The following PDSS2 variants were observed in gnomAD, a reference collection of about 807,000 sequenced individuals.
PDSS2 encodes all trans-polyprenyl-diphosphate synthase PDSS2.
Under a neutral mutation model 44.5 loss-of-function variants are expected in PDSS2, and 31 were observed. That is an observed-to-expected ratio of 0.70 (90% confidence interval 0.52 to 0.94). The LOEUF (loss-of-function observed/expected upper bound fraction) is 0.94, where lower values mean the gene tolerates loss of function less well. Ranked by LOEUF, PDSS2 falls within the 40% of genes least tolerant of loss-of-function variation. The pLI is 0.00. For missense variants in PDSS2, 452 were observed against 482.2 expected, an observed-to-expected ratio of 0.94 and a Z score of 0.59; for synonymous variants, 157 against 180.3, an observed-to-expected ratio of 0.87 and a Z score of 1.03.
At chr6:107,170,289 T>C (rs544593847) in intron 7 of PDSS2, among the ~76,000 whole-genome samples, 48 of 152,316 alleles carry the variant, frequency 3.2e-4, no homozygotes, top group Non-Finnish European at 6.6e-4. Flanking sequence ...GCACGGGATA[T>C]AATCTCCTAG....
chr6:107,263,305 T>C (rs1030860152), intron 3 of PDSS2, among the ~76,000 whole-genome samples: 2 of 152,086 alleles, frequency 1.3e-5, no homozygotes, highest in Non-Finnish European at 2.9e-5. Context: ...ATACAAAAAT[T>C]AGCCAGGCAT....
At chr6:107,374,592 C>T (rs1779226792) in intron 1 of PDSS2, among the ~76,000 whole-genome samples, 1 of 152,162 alleles carries the variant, frequency 6.6e-6, no homozygotes, top group Non-Finnish European at 1.5e-5. Context: ...GCATAAAATG[C>T]CATGAACAGT....
At chr6:107,449,658 G>A (rs1045883542) in intron 1 of PDSS2, among the ~76,000 whole-genome samples, 2 of 152,090 alleles carry the variant, frequency 1.3e-5, no homozygotes, top group Admixed American at 1.3e-4. Flanking sequence ...CCTCAAACAC[G>A]TGGGCTCAAA....
chr6:107,374,404 T>C (rs987557324), intron 1 of PDSS2, among the ~76,000 whole-genome samples: 9 of 152,234 alleles, frequency 5.9e-5, no homozygotes, highest in African/African-American at 2.2e-4. Flanking sequence ...TTTTTGCTTT[T>C]TAAAGTTTAG....
At chr6:107,160,710 G>A (rs1162161908) in intron 7 of PDSS2, among the ~76,000 whole-genome samples, 1 of 151,768 alleles carries the variant, frequency 6.6e-6, no homozygotes, top group African/African-American at 2.4e-5. Context: ...GGAAATTGTA[G>A]GGAAAGAAAA....
intron 7 of PDSS2, among the ~76,000 whole-genome samples, chr6:107,169,108 G>A (rs1470516286): frequency 3.3e-5 from 5 of 151,770 alleles, no homozygotes; most frequent in Non-Finnish European, 7.4e-5. Context: ...TCACTTTCAG[G>A]TACACCAATC....
chr6:107,455,332 T>C (rs1782002237), intron 1 of PDSS2, among the ~76,000 whole-genome samples: 1 of 151,428 alleles, frequency 6.6e-6, no homozygotes. Flanking sequence ...AAGGCTCTTT[T>C]TAGCTTCACC....
chr6:107,398,560 G>A (rs1039843438), intron 1 of PDSS2, among the ~76,000 whole-genome samples: 3 of 152,150 alleles, frequency 2.0e-5, no homozygotes, highest in Non-Finnish European at 2.9e-5. Flanking sequence ...AAATCAAAAA[G>A]TTTGAGAACC....
intron 1 of PDSS2, among the ~76,000 whole-genome samples, chr6:107,363,505 G>C (rs558870705): frequency 2.0e-5 from 3 of 152,130 alleles, no homozygotes; most frequent in Admixed American, 6.5e-5. Context: ...GTTCCATCCC[G>C]GTGGGCTCGT....
chr6:107,295,076 C>T (rs1439732101), intron 2 of PDSS2, among the ~76,000 whole-genome samples: 2 of 152,056 alleles, frequency 1.3e-5, no homozygotes, highest in East Asian at 3.9e-4. Flanking sequence ...GGATTACAGG[C>T]GCACGCCACC....
chr6:107,219,254 T>C (rs1773519678), intron 4 of PDSS2, among the ~76,000 whole-genome samples: 1 of 152,082 alleles, frequency 6.6e-6, no homozygotes, highest in African/African-American at 2.4e-5. Flanking sequence ...TTGCTGTTTC[T>C]TGAATAAAAT....
chr6:107,454,728 T>C (rs1206535004), intron 1 of PDSS2, among the ~76,000 whole-genome samples: 1 of 152,006 alleles, frequency 6.6e-6, no homozygotes, highest in Non-Finnish European at 1.5e-5. Context: ...ACATACCATG[T>C]AGCTTTATTC....
intron 2 of PDSS2, among the ~76,000 whole-genome samples, chr6:107,326,685 C>T (rs879251922): frequency 5.0e-4 from 76 of 151,734 alleles, no homozygotes; most frequent in Non-Finnish European, 1.0e-3. Flanking sequence ...AACCCTGTCT[C>T]TACTAAAAAT....
chr6:107,273,929 G>C, intron 3 of PDSS2, 100 bp downstream of exon 3: 1 of 836,234 alleles, frequency 1.2e-6, no homozygotes, highest in Non-Finnish European at 2.1e-6. Flanking sequence ...ATGTACATGA[G>C]GGGAGTTGGG....
chr6:107,212,241 C>T lies in PDSS2; in HGVS notation c.744G>A (p.Lys248=), dbSNP rs1562379143. The T allele has an allele frequency of 6.2e-7, 1 of 1,613,838 alleles. No homozygotes were observed. The highest frequency in any genetic ancestry group is 8.5e-7 in the Non-Finnish European group (1 of 1,179,808). ...ITDDIGISTW[K]EQTFLSHGAL... The stretch of plus-strand genomic sequence containing the variant: ...CACCATGGGAGAGAAAAGTCTGCTC[C>T]TTCCAAGTCGATATTCCAATATCAT... Residue 248 remains lysine (K), a synonymous_variant, in exon 5 of 8, where the codon AAG becomes AAA. Transcript: ENST00000369037.
intron 6 of PDSS2, among the ~76,000 whole-genome samples, chr6:107,208,933 A>T (rs935199019): frequency 2.0e-5 from 3 of 151,746 alleles, no homozygotes; most frequent in Non-Finnish European, 4.4e-5. Flanking sequence ...TTCTTTTTTT[A>T]AAAAATCATC....
At chr6:107,187,159 A>G (rs576381896) in intron 7 of PDSS2, among the ~76,000 whole-genome samples, 2 of 152,174 alleles carry the variant, frequency 1.3e-5, no homozygotes, top group South Asian at 2.1e-4. Context: ...GAAAGATATA[A>G]TCTTTCTTCT....
chr6:107,413,827 TAA>T (rs1314572226), intron 1 of PDSS2, among the ~76,000 whole-genome samples: 1 of 152,108 alleles, frequency 6.6e-6, no homozygotes, highest in African/African-American at 2.4e-5. Flanking sequence ...TTCAGGAATG[TAA>T]AGAGTGGATT....
At chr6:107,383,901 C>A (rs1454571491) in intron 1 of PDSS2, among the ~76,000 whole-genome samples, 1 of 152,204 alleles carries the variant, frequency 6.6e-6, no homozygotes, top group Non-Finnish European at 1.5e-5. Flanking sequence ...TGTGACTCAG[C>A]AATTCTACTC....
Sources: allele counts gnomAD v4.1 joint callset (sites outside exome capture counted in the v4.1 genomes callset), GRCh38; gene constraint gnomAD v4.1.1; transcripts MANE v1.5; gene names NCBI Gene and HGNC (gene_info 2026-07-23, HGNC 2026-07-21).